The following PSD variants were observed in gnomAD, a reference collection of about 807,000 sequenced individuals.
PSD encodes the protein pleckstrin and Sec7 domain containing.
In PSD, 32 loss-of-function variants were observed where a neutral mutation model predicts 91.6. The observed-to-expected ratio is 0.35, with a 90% CI of 0.26 to 0.47. PSD has a LOEUF of 0.47. PSD is among the 20% of genes least tolerant of loss of function. The pLI is 1.00. For missense variants in PSD, 1,099 were observed against 1,373.9 expected (o/e 0.80, Z 3.16); for synonymous variants, 532 against 569.3 (o/e 0.93, Z 0.93).
Position 102,405,806 on chromosome 10 carries a change from T to G in PSD, c.2136-270A>C. 2.3e-6 allele frequency: 1 copy of G among 426,920 alleles called. No individual in the cohort carries two copies. The highest frequency in any genetic ancestry group is 4.3e-6 in the Non-Finnish European group (1 of 235,172). 26.4% of individuals were successfully genotyped at this position (426,920 alleles called of 1,614,324 possible). ...AGTAGGGCCAGCACTATCCTCTCCA[T>G]TGCTGCACACCTGCAGCCCTCACAC... On this transcript the variant is annotated intron_variant, in intron 11 of 16. Coordinates refer to ENST00000020673, the MANE Select transcript of PSD (RefSeq NM_002779.5). This position sits in a 1 kb window ranked among gnomAD's most constrained non-coding sequence, Gnocchi z 5.4.
In PSD at chr10:102,416,545, G is replaced by A. The variant is rs777864461; in HGVS notation, c.494C>T (p.Ser165Leu). 3.6e-5 allele frequency: 58 copies of A among 1,607,998 alleles called. 1 individual carries two copies. The highest frequency in any genetic ancestry group is 5.1e-5 in the Admixed American group (3 of 59,240). Residue 165 changes from serine (S) to leucine (L), a missense_variant, in exon 2 of 17, where the codon TCG becomes TTG. Physicochemically the swap from Ser to Leu is moderately radical, Grantham distance 145. Transcript: ENST00000020673. This position sits in a 1 kb window ranked among gnomAD's most constrained non-coding sequence, Gnocchi z 6.0. ...AAGGTTCCGGCTGCCAGGTAGGGCC[G>A]AGCCTCCTCTGGCGGGGAGTGGGTC... is the stretch of plus-strand genomic sequence containing the variant. ...TSDPLPARGGSALPGSRNLVH... is the reference protein window; with the variant it reads ...TSDPLPARGGLALPGSRNLVH...
rs779361102 is a variant in PSD, at chr10:102,404,969, A to G, written c.2484T>C (p.Ser828=). ...SIHHALATRA[S]DYSKRPHVFY... ...AGACGTGGGGCCTCTTGCTGTAGTCACTGGCACGAGTGGCCAGGGCATGGT... is the reference window on the plus strand; with the variant it reads ...AGACGTGGGGCCTCTTGCTGTAGTCGCTGGCACGAGTGGCCAGGGCATGGT... Residue 828 remains serine, a synonymous_variant, in exon 14 of 17, where the codon AGT becomes AGC. Transcript: ENST00000020673. The surrounding 1 kb of genome is among the most constrained non-coding windows in gnomAD (Gnocchi z 5.7). 6 of 1,613,942 alleles carry G rather than the reference A, an allele frequency of 3.7e-6. No homozygotes were observed. The East Asian group carries it at 8.9e-5, about 24-fold the overall frequency.
chr10:102,416,455 C>A lies in PSD; in HGVS notation c.584G>T (p.Gly195Val), dbSNP rs1407060045. Residue 195 changes from glycine (G) to valine (V), a missense_variant, in exon 2 of 17, where the codon GGG becomes GTG. This residue lies in a region of PSD where 631 missense variants were observed against 728.8 expected (regional missense o/e 0.87). Coordinates refer to ENST00000020673, the MANE Select transcript of PSD (RefSeq NM_002779.5). The surrounding 1 kb of genome is among the most constrained non-coding windows in gnomAD (Gnocchi z 6.0). The stretch of plus-strand genomic sequence containing the variant: ...CAGGCGCTCAGGGGGGCCCCCCAGC[C>A]CATTGGGGAGAGAGGAGTAAAGGCC... ...ADGLYSSLPNGLGGPPERLAT... is the reference protein window; with the variant it reads ...ADGLYSSLPNVLGGPPERLAT... 6.2e-7 allele frequency: 1 copy of A among 1,612,994 alleles called. No homozygotes were observed. Among genetic ancestry groups the A allele is most frequent in the East Asian group, 2.2e-5 (1 of 44,870 alleles).
chr10:102,409,358 G>T lies in PSD; in HGVS notation c.2091+1500C>A, dbSNP rs2135454280. On this transcript the variant is annotated intron_variant, in intron 10 of 16. Coordinates refer to ENST00000020673, the MANE Select transcript of PSD (RefSeq NM_002779.5). This position sits in a 1 kb window ranked among gnomAD's most constrained non-coding sequence, Gnocchi z 5.7. The stretch of plus-strand genomic sequence containing the variant: ...GGGGCGGGGACCGCATGAAATGGAG[G>T]CGCCCGATCGCGAAGGGGGCCCTCC... The T allele has an allele frequency of 1.0e-6, 1 of 985,276 alleles. No homozygotes were observed. The highest frequency in any genetic ancestry group is 1.2e-6 in the Non-Finnish European group (1 of 829,756). 61.0% of individuals were successfully genotyped at this position (985,276 alleles called of 1,614,324 possible).
intron 11 of PSD, among the ~76,000 whole-genome samples, chr10:102,406,514 T>C (rs1032344763): frequency 1.3e-4 from 20 of 150,844 alleles, no homozygotes; most frequent in Non-Finnish European, 2.5e-4. Flanking sequence ...TTTTCTTTTT[T>C]TTTTTTTTTT....
In PSD at chr10:102,403,482, C is replaced by A; in HGVS notation, c.2845-52G>T. 1 of 1,507,918 alleles carries A rather than the reference C, an allele frequency of 6.6e-7. No homozygotes were observed. The highest frequency in any genetic ancestry group is 8.9e-7 in the Non-Finnish European group (1 of 1,118,298). The allele number at this position is 1,507,918 out of a possible 1,614,324, so 93.4% of individuals were successfully genotyped here. A position where few individuals can be genotyped will look rare whatever the true frequency, so the allele number is the denominator to read the frequency against. ...GAGCCTCTTCTCTGCCTTCTGCCCA[C>A]CCCACCATCTGGACCAGGGAGGGCC... On this transcript the variant is annotated intron_variant, in intron 16 of 16. Coordinates refer to ENST00000020673, the MANE Select transcript of PSD (RefSeq NM_002779.5). This position sits in a 1 kb window ranked among gnomAD's most constrained non-coding sequence, Gnocchi z 6.7.
chr10:102,403,116 G>C lies in PSD; in HGVS notation c.*84C>G. Reference sequence around the variant, plus strand: ...GGCCCTAGGCCGGGAGGCCCTCGTGGGTGGCCCGAGGCCGGCCCGGGCTCA... The same window carrying C: ...GGCCCTAGGCCGGGAGGCCCTCGTGCGTGGCCCGAGGCCGGCCCGGGCTCA... On this transcript the variant is annotated 3_prime_UTR_variant, in exon 17 of 17. Transcript: ENST00000020673. This position sits in a 1 kb window ranked among gnomAD's most constrained non-coding sequence, Gnocchi z 6.7. 4 of 1,174,452 alleles carry C rather than the reference G, an allele frequency of 3.4e-6. No homozygotes were observed. In the South Asian group the frequency reaches 7.1e-5, roughly 21 times the overall value. The allele number at this position is 1,174,452 out of a possible 1,614,324, so 72.8% of individuals were successfully genotyped here.
intron 8 of PSD, 124 bp downstream of exon 8, chr10:102,411,583 C>A: frequency 1.3e-6 from 1 of 741,280 alleles, no homozygotes; most frequent in Non-Finnish European, 2.4e-6. Context: ...AGTTCACATG[C>A]CTACACGCAT....
At position 102,405,463 on chromosome 10, in the gene PSD, C is replaced by T. The variant is rs752053696; in HGVS notation, c.2209G>A (p.Gly737Arg). The T allele has an allele frequency of 3.7e-6, 6 of 1,613,920 alleles. No homozygotes were observed. The African/African-American group carries it at 4.0e-5, about 11-fold the overall frequency. Residue 737 changes from glycine to arginine, a missense_variant, in exon 12 of 17, where the codon GGG (glycine) becomes AGG (arginine). Around this residue, in one of 3 missense-constraint regions of PSD, gnomAD observed 358 missense variants for 426.5 expected, o/e 0.84. Transcript: ENST00000020673. This position sits in a 1 kb window ranked among gnomAD's most constrained non-coding sequence, Gnocchi z 5.4. ...GGGCTGGAGCCACTGCCACTGCCCC[C>T]GCTGATCCGCTTGATGACCTTGGGG... ...PNPKVIKRIS[G>R]GSGSGSSPFL... is the part of the protein sequence containing the mutation.
chr10:102,418,592 G>A (rs372931048), intron 1 of PSD, 109 bp downstream of exon 1: 4 of 400,052 alleles, frequency 1.0e-5, no homozygotes, highest in East Asian at 7.7e-5. Flanking sequence ...CAATGCAGGG[G>A]AGGGGCAGAG....
At position 102,403,449 on chromosome 10, in the gene PSD, G is replaced by A; in HGVS notation, c.2845-19C>T. 1 of 1,584,578 alleles carries A rather than the reference G, an allele frequency of 6.3e-7. No homozygotes were observed. Among genetic ancestry groups the A allele is most frequent in the Non-Finnish European group, 8.6e-7 (1 of 1,166,242 alleles). On this transcript the variant is annotated intron_variant, in intron 16 of 16. Transcript: ENST00000020673. The surrounding 1 kb of genome is among the most constrained non-coding windows in gnomAD (Gnocchi z 6.7). ...GGGATTTCTGAGGCAGAGGGGCAGG[G>A]GCTGTGAGAGCCTCTTCTCTGCCTT...
chr10:102,414,943 G>A lies in PSD; in HGVS notation c.1044C>T (p.Gly348=). 6.4e-7 allele frequency: 1 copy of A among 1,550,400 alleles called. No individual in the cohort carries two copies. The highest frequency in any genetic ancestry group is 8.7e-7 in the Non-Finnish European group (1 of 1,142,868). The change falls in exon 4 of 17, where the codon GGC becomes GGT. Residue 348 remains glycine, a synonymous_variant. Transcript: ENST00000020673. The surrounding 1 kb of genome is among the most constrained non-coding windows in gnomAD (Gnocchi z 5.6). ...CCTCATCGTCGTCCTCATCCTCATT[G>A]CCACTGCCGAGGCTGGGATGAGGGC... ...LPGPHPSLGS[G]NEDEDDDEAG...
At chr10:102,407,408 C>T (rs2061374725) in intron 10 of PSD, 142 bp from the exon 11 acceptor site, 4 of 527,112 alleles carry the variant, frequency 7.6e-6, no homozygotes, top group Non-Finnish European at 9.6e-6. Context: ...ATACAGGCTC[C>T]AGAATGGAGA....
At chr10:102,412,276 G>T in intron 6 of PSD, 49 bp from the exon 7 acceptor site, 1 of 1,609,578 alleles carries the variant, frequency 6.2e-7, no homozygotes, top group Non-Finnish European at 8.5e-7. Context: ...GAAGTGCAGG[G>T]GGTCAGGTGG....
At position 102,411,631 on chromosome 10, in the gene PSD, T is replaced by C. The variant is rs2061425705; in HGVS notation, c.1942+76A>G. On this transcript the variant is annotated intron_variant, in intron 8 of 16. Transcript: ENST00000020673. The stretch of plus-strand genomic sequence containing the variant: ...CCTGCTGTACACACACTCATGCTCC[T>C]GTACACACACACAGGGCCCAGCCCA... 7 of 1,072,404 alleles carry C rather than the reference T, an allele frequency of 6.5e-6. No homozygotes were observed. In the South Asian group the frequency reaches 9.2e-5, roughly 14 times the overall value. 66.4% of individuals were successfully genotyped at this position (1,072,404 alleles called of 1,614,324 possible). A position where few individuals can be genotyped will look rare whatever the true frequency, so the allele number is the denominator to read the frequency against.
rs1271795404 is a variant in PSD at position 102,410,158 on chromosome 10, T to C, written c.2091+700A>G. 1.3e-5 allele frequency among the ~76,000 whole-genome samples: 2 copies of C among 152,142 alleles called. No homozygotes were observed. The highest frequency in any genetic ancestry group is 4.8e-5 in the African/African-American group (2 of 41,404). ...CCTTTGTCCTAGCCTGGGGGTTTCT[T>C]CAAGTGAGTCCAGGCCTCTCTAGAT... On this transcript the variant is annotated intron_variant, in intron 10 of 16. Transcript: ENST00000020673. This position sits in a 1 kb window ranked among gnomAD's most constrained non-coding sequence, Gnocchi z 6.0.
chr10:102,403,318 C>T lies in PSD; in HGVS notation c.2957G>A (p.Gly986Glu). The change falls in exon 17 of 17, where the codon GGA becomes GAA. Residue 986 changes from glycine to glutamate, a missense_variant. Around this residue, in one of 3 missense-constraint regions of PSD, gnomAD observed 358 missense variants for 426.5 expected, o/e 0.84. Coordinates refer to ENST00000020673, the MANE Select transcript of PSD (RefSeq NM_002779.5). This position sits in a 1 kb window ranked among gnomAD's most constrained non-coding sequence, Gnocchi z 6.7. Reference protein sequence around the residue: ...ALAQAGSTEDGLPPSHSSPSL... With the variant: ...ALAQAGSTEDELPPSHSSPSL... ...GGGACTGGAGTGAGAAGGAGGGAGTCCATCCTCTGTGCTCCCGGCCTGGGC... is the reference window on the plus strand; with the variant it reads ...GGGACTGGAGTGAGAAGGAGGGAGTTCATCCTCTGTGCTCCCGGCCTGGGC... 2 of 1,614,104 alleles carry T rather than the reference C, an allele frequency of 1.2e-6. No individual in the cohort carries two copies. The highest frequency in any genetic ancestry group is 1.7e-6 in the Non-Finnish European group (2 of 1,179,998).
intron 6 of PSD, 35 bp from the exon 7 acceptor site, chr10:102,412,262 A>G (rs990273928): frequency 3.1e-6 from 5 of 1,612,510 alleles, no homozygotes; most frequent in Non-Finnish European, 8.5e-7. Context: ...TAGGGTCTCA[A>G]GGGGAAGTGC....
rs1179773053 is a variant in PSD, at chr10:102,418,755, C to T, written c.-138G>A. On this transcript the variant is annotated 5_prime_UTR_variant, in exon 1 of 17. Coordinates refer to ENST00000020673, the MANE Select transcript of PSD (RefSeq NM_002779.5). ...GAGACAGAGGAGAGGCTGGGCCCAGCTGAGCTGTGAAGGCAGCGCGGCTCC... is the reference window on the plus strand; with the variant it reads ...GAGACAGAGGAGAGGCTGGGCCCAGTTGAGCTGTGAAGGCAGCGCGGCTCC... The T allele has an allele frequency of 8.8e-6, 4 of 455,710 alleles. No individual in the cohort carries two copies. Among genetic ancestry groups the T allele is most frequent in the African/African-American group, 2.0e-5 (1 of 50,012 alleles). 28.2% of individuals were successfully genotyped at this position (455,710 alleles called of 1,614,324 possible).
Sources: allele counts gnomAD v4.1 joint callset (sites outside exome capture counted in the v4.1 genomes callset), GRCh38; gene constraint gnomAD v4.1.1; regional missense constraint gnomAD v4.1.1; non-coding constraint Gnocchi (gnomAD v3.1); transcripts MANE v1.5; gene names NCBI Gene and HGNC (gene_info 2026-07-23, HGNC 2026-07-21).